Variants in PHACTR1 observed in about 807,000 individuals in gnomAD.
PHACTR1 encodes the protein RPEL repeat containing 1.
A neutral mutation model predicts 69.2 loss-of-function variants in PHACTR1; 16 were observed. The observed-to-expected ratio is 0.23, with a 90% CI of 0.16 to 0.35. PHACTR1 has a LOEUF of 0.35. Ranked by LOEUF, PHACTR1 falls within the 10% of genes least tolerant of loss-of-function variation. The probability of loss-of-function intolerance (pLI) is 1.00; values close to 1 mark genes in which losing one functional copy is unlikely to be tolerated. For synonymous variants in PHACTR1, 312 were observed against 284.5 expected (o/e 1.10, Z -0.97); for missense variants, 510 against 734.7 (o/e 0.69, Z 3.54).
intron 4 of PHACTR1, among the ~76,000 whole-genome samples, chr6:12,947,677 G>C (rs913892856): frequency 6.6e-6 from 1 of 152,160 alleles, no homozygotes; most frequent in Non-Finnish European, 1.5e-5. Flanking sequence ...CTTGCCAGGG[G>C]CTGTGGTAAG....
intron 5 of PHACTR1, among the ~76,000 whole-genome samples, chr6:13,071,621 C>T (rs1303756802): frequency 1.3e-5 from 2 of 151,978 alleles, no homozygotes; most frequent in Admixed American, 6.6e-5. Context: ...GTAATTTGGC[C>T]GTAGAAGACT....
intron 4 of PHACTR1, among the ~76,000 whole-genome samples, chr6:12,897,700 TA>T (rs1554164189): frequency 9.4e-5 from 1 of 10,590 alleles, no homozygotes; most frequent in Non-Finnish European, 1.9e-4. Context: ...TGTAATCTTT[TA>T]TTATTATTAT....
intron 8 of PHACTR1, among the ~76,000 whole-genome samples, chr6:13,224,947 G>A (rs370964440): frequency 1.3e-5 from 2 of 152,154 alleles, no homozygotes; most frequent in African/African-American, 2.4e-5. Context: ...GTCAACAGGC[G>A]ACTTCACATG....
At chr6:13,253,135 C>G (rs1774718962) in intron 10 of PHACTR1, 2 of 400,626 alleles carry the variant, frequency 5.0e-6, no homozygotes, top group Non-Finnish European at 1.0e-5. Context: ...ATCCTCAGCC[C>G]TCTCCTTGGG....
At chr6:13,014,602 G>A (rs1183013494) in intron 4 of PHACTR1, among the ~76,000 whole-genome samples, 1 of 152,108 alleles carries the variant, frequency 6.6e-6, no homozygotes, top group Non-Finnish European at 1.5e-5. Context: ...TGGCTGCGGC[G>A]CCCAGAGCCC....
At chr6:13,166,500 G>A (rs914445636) in intron 6 of PHACTR1, among the ~76,000 whole-genome samples, 3 of 152,134 alleles carry the variant, frequency 2.0e-5, no homozygotes, top group Admixed American at 2.0e-4. Context: ...CAGGCATGAG[G>A]TAATTTCTGC....
At chr6:13,107,793 C>A (rs927644986) in intron 5 of PHACTR1, among the ~76,000 whole-genome samples, 2 of 151,954 alleles carry the variant, frequency 1.3e-5, no homozygotes, top group Non-Finnish European at 1.5e-5. Flanking sequence ...TAGAGGTTAT[C>A]ACTTTTTCTC....
chr6:12,727,362 C>A (rs114166625), intron 3 of PHACTR1, among the ~76,000 whole-genome samples: 2 of 152,110 alleles, frequency 1.3e-5, no homozygotes, highest in African/African-American at 2.4e-5. Flanking sequence ...GACAATTCTC[C>A]GTAGGCAAAG....
At chr6:12,873,388 C>A (rs545302320) in intron 4 of PHACTR1, among the ~76,000 whole-genome samples, 66 of 152,112 alleles carry the variant, frequency 4.3e-4, no homozygotes, top group African/African-American at 1.5e-3. Flanking sequence ...TCAATATATG[C>A]TGTGTCACTG....
intron 3 of PHACTR1, among the ~76,000 whole-genome samples, chr6:12,741,382 C>A (rs1280492619): frequency 1.3e-5 from 2 of 151,656 alleles, no homozygotes; most frequent in African/African-American, 4.8e-5. Flanking sequence ...TTGTTATTAA[C>A]CTTTAATTTT....
chr6:13,078,160 G>T (rs1378483951), intron 5 of PHACTR1, among the ~76,000 whole-genome samples: 1 of 151,770 alleles, frequency 6.6e-6, no homozygotes, highest in East Asian at 1.9e-4. Flanking sequence ...TGTTTTTTTT[G>T]GGGGGAGTGG....
intron 4 of PHACTR1, among the ~76,000 whole-genome samples, chr6:12,787,567 C>A (rs1339925320): frequency 6.6e-6 from 1 of 152,156 alleles, no homozygotes; most frequent in Admixed American, 6.5e-5. Flanking sequence ...TCCAACTTGC[C>A]TTTTGACAAA....
At chr6:12,829,873 GCTTGAA>G (rs1449729702) in intron 4 of PHACTR1, among the ~76,000 whole-genome samples, 1 of 150,742 alleles carries the variant, frequency 6.6e-6, no homozygotes, top group East Asian at 2.0e-4. Context: ...CAGGAGAATC[GCTTGAA>G]CCCAGGAGGC....
intron 4 of PHACTR1, chr6:12,933,941 C>A (rs377567583): frequency 1.3e-6 from 2 of 1,598,472 alleles, no homozygotes; most frequent in African/African-American, 2.7e-5. Flanking sequence ...TGCGGGTTGG[C>A]GTGTGTATTC....
intron 4 of PHACTR1, among the ~76,000 whole-genome samples, chr6:12,921,814 GC>G (rs1429838378): frequency 8.9e-5 from 1 of 11,290 alleles, no homozygotes; most frequent in Non-Finnish European, 2.6e-4. Flanking sequence ...GAGGGAGGGA[GC>G]AAGGGGGAAG....
intron 5 of PHACTR1, among the ~76,000 whole-genome samples, chr6:13,114,807 A>G (rs1439492721): frequency 1.3e-5 from 2 of 152,240 alleles, no homozygotes; most frequent in Non-Finnish European, 1.5e-5. Context: ...CCAAAATGTC[A>G]ATAGTGCTGA....
intron 4 of PHACTR1, chr6:12,957,882 G>A (rs1792102059): frequency 2.0e-6 from 2 of 985,358 alleles, no homozygotes; most frequent in Non-Finnish European, 1.2e-6. Flanking sequence ...CTGGCACCGA[G>A]AGGCTGCATG....
chr6:13,279,166 T>C (rs1779618590), intron 12 of PHACTR1: 1 of 152,090 alleles, frequency 6.6e-6, no homozygotes, highest in Non-Finnish European at 1.5e-5. Context: ...CTTAAAGTCA[T>C]AAAACTGGAA....
At chr6:12,933,760 C>A (rs1279425940) in intron 4 of PHACTR1, 1 of 1,612,852 alleles carries the variant, frequency 6.2e-7, no homozygotes, top group South Asian at 1.1e-5. Context: ...CCCCTACATA[C>A]ACTACATCAG....
Sources: allele counts gnomAD v4.1 joint callset (sites outside exome capture counted in the v4.1 genomes callset), GRCh38; gene constraint gnomAD v4.1.1; transcripts MANE v1.5; gene names NCBI Gene and HGNC (gene_info 2026-07-23, HGNC 2026-07-21).